STON2: variants seen among roughly 807,000 people sequenced by gnomAD.
The protein encoded by STON2 is stonin 2.
STON2 carries 29 observed loss-of-function variants against 65.7 expected under a neutral mutation model. The ratio of observed to expected loss-of-function variants is 0.44; its 90% CI spans 0.33 to 0.60. The LOEUF (loss-of-function observed/expected upper bound fraction) is 0.60. Ranked by LOEUF, STON2 falls within the 20% of genes least tolerant of loss-of-function variation. The pLI, the probability that STON2 is intolerant of heterozygous loss-of-function variation, is 0.03. For synonymous variants in STON2, 404 were observed against 414.2 expected, an observed-to-expected ratio of 0.98 and a Z score of 0.30; for missense variants, 1,054 against 1,118.1, an observed-to-expected ratio of 0.94 and a Z score of 0.82.
At chr14:81,357,887 G>A (rs1376333162) in intron 4 of STON2, among the ~76,000 whole-genome samples, 1 of 122,334 alleles carries the variant, frequency 8.2e-6, no homozygotes, top group Admixed American at 1.0e-4. Flanking sequence ...GGGAACTGTT[G>A]TGGGGTGGGG....
rs1895319515 is a variant in STON2, at chr14:81,286,026, T to C, written c.743-7287A>G. 3.5e-5 allele frequency among the ~76,000 whole-genome samples: 4 copies of C among 115,544 alleles called. No individual in the cohort carries two copies. The Admixed American group carries it at 3.7e-4, about 11-fold the overall frequency. 75.8% of individuals were successfully genotyped at this position (115,544 alleles called of 152,430 possible). A position where few individuals can be genotyped will look rare whatever the true frequency, so the allele number is the denominator to read the frequency against. ...AGCTGGGCATGGTGGCGGGCACCTGTAGTCCCAGCCACTCATGAGGCTGAG... is the reference window on the plus strand; with the variant it reads ...AGCTGGGCATGGTGGCGGGCACCTGCAGTCCCAGCCACTCATGAGGCTGAG... On this transcript the variant is annotated intron_variant, in intron 5 of 7. Coordinates refer to ENST00000614646, the MANE Select transcript of STON2 (RefSeq NM_001394390.1).
At chr14:81,307,837 A>T (rs544792224) in intron 5 of STON2, among the ~76,000 whole-genome samples, 2 of 152,348 alleles carry the variant, frequency 1.3e-5, no homozygotes, top group South Asian at 4.1e-4. Flanking sequence ...TATATAACAC[A>T]AAAAATATGT....
chr14:81,263,269 C>T lies in STON2; in HGVS notation c.*5145G>A, dbSNP rs1047452636. ...ATTATGCTATTTTGGCCAGGCGCGGCGGCTCATGCCTGTTATCCTAGCACT... is the reference window on the plus strand; with the variant it reads ...ATTATGCTATTTTGGCCAGGCGCGGTGGCTCATGCCTGTTATCCTAGCACT... On this transcript the variant is annotated 3_prime_UTR_variant, in exon 8 of 8. Transcript: ENST00000614646. 11 of 583,222 alleles carry T rather than the reference C, an allele frequency of 1.9e-5. No homozygotes were observed. The highest frequency in any genetic ancestry group is 8.1e-5 in the African/African-American group (4 of 49,200). The allele number at this position is 583,222 out of a possible 1,614,324, so 36.1% of individuals were successfully genotyped here.
At chr14:81,356,148 C>T (rs565123259) in intron 4 of STON2, among the ~76,000 whole-genome samples, 9 of 152,272 alleles carry the variant, frequency 5.9e-5, no homozygotes, top group Admixed American at 4.6e-4. Context: ...GTGGGTTTGT[C>T]ATAGATAGCT....
intron 4 of STON2, among the ~76,000 whole-genome samples, chr14:81,367,900 T>C (rs1898812875): frequency 6.6e-6 from 1 of 152,214 alleles, no homozygotes; most frequent in South Asian, 2.1e-4. Flanking sequence ...CCTAGCTTAA[T>C]TACTAAAGAA....
chr14:81,421,965 G>A (rs3908315), intron 2 of STON2, among the ~76,000 whole-genome samples: 1 of 152,138 alleles, frequency 6.6e-6, no homozygotes, highest in Admixed American at 6.5e-5. Context: ...TGGAACCCTG[G>A]GGAAGGTCAT....
chr14:81,350,472 T>C (rs1036961699), intron 4 of STON2, among the ~76,000 whole-genome samples: 6 of 141,414 alleles, frequency 4.2e-5, no homozygotes, highest in Admixed American at 2.7e-4. Flanking sequence ...CATTGTTTAA[T>C]TCAGAAGAAG....
intron 4 of STON2, among the ~76,000 whole-genome samples, chr14:81,364,135 C>A (rs889020899): frequency 6.6e-6 from 1 of 152,144 alleles, no homozygotes; most frequent in Non-Finnish European, 1.5e-5. Context: ...AAATAGAATA[C>A]AAACACTTGT....
chr14:81,370,768 C>T (rs754391653), intron 4 of STON2, among the ~76,000 whole-genome samples: 19 of 152,118 alleles, frequency 1.2e-4, no homozygotes, highest in Non-Finnish European at 2.5e-4. Context: ...AAATGGTTGC[C>T]GAGTATGAAT....
chr14:81,413,354 G>A lies in STON2; in HGVS notation c.-199+13748C>T, dbSNP rs140816654. The stretch of plus-strand genomic sequence containing the variant: ...TTGCTAAGGGAACACCTCGATGTTC[G>A]AACCTTTATTGTGTTTTATACAGGG... On this transcript the variant is annotated intron_variant, in intron 2 of 8. Transcript: ENST00000553821. 896 of 818,146 alleles carry A rather than the reference G, an allele frequency of 1.1e-3. 183 individuals carry two copies. The South Asian group carries it at 0.011, about 10-fold the overall frequency. The allele number at this position is 818,146 out of a possible 1,614,324, so 50.7% of individuals were successfully genotyped here. A position where few individuals can be genotyped will look rare whatever the true frequency, so the allele number is the denominator to read the frequency against.
At chr14:81,420,928 A>G (rs748815919) in intron 2 of STON2, among the ~76,000 whole-genome samples, 3 of 152,176 alleles carry the variant, frequency 2.0e-5, no homozygotes, top group Admixed American at 6.5e-5. Context: ...ACACCTGAAC[A>G]TCACCCATCA....
At position 81,262,783 on chromosome 14, in the gene STON2, A is replaced by C; in HGVS notation, c.*5631T>G. The C allele has an allele frequency of 1.0e-6, 1 of 985,420 alleles. No individual in the cohort carries two copies. Among genetic ancestry groups the C allele is most frequent in the Non-Finnish European group, 1.2e-6 (1 of 829,914 alleles). The allele number at this position is 985,420 out of a possible 1,614,324, so 61.0% of individuals were successfully genotyped here. ...ACTAGAAGAAATGTAAAAATCTCAC[A>C]TTCTTGTTCTAGTTAATACATGGGA... On this transcript the variant is annotated 3_prime_UTR_variant, in exon 8 of 8. Transcript: ENST00000614646.
chr14:81,272,372 C>T (rs924427568), intron 6 of STON2, among the ~76,000 whole-genome samples: 6 of 152,160 alleles, frequency 3.9e-5, no homozygotes, highest in Non-Finnish European at 5.9e-5. Context: ...GTAAGAACCC[C>T]CATATAGCAA....
intron 5 of STON2, among the ~76,000 whole-genome samples, chr14:81,292,974 T>C (rs1267736903): frequency 6.6e-6 from 1 of 152,184 alleles, no homozygotes; most frequent in Non-Finnish European, 1.5e-5. Context: ...AATTGTCCTT[T>C]TGGGGACTCC....
intron 4 of STON2, among the ~76,000 whole-genome samples, chr14:81,325,962 G>A (rs1031090857): frequency 6.6e-6 from 1 of 151,548 alleles, no homozygotes; most frequent in East Asian, 1.9e-4. Context: ...ACAGAGAAAC[G>A]AATTTCTTCC....
At chr14:81,293,608 G>A (rs1895648348) in intron 5 of STON2, among the ~76,000 whole-genome samples, 1 of 152,184 alleles carries the variant, frequency 6.6e-6, no homozygotes, top group South Asian at 2.1e-4. Context: ...TTGGCTATGT[G>A]ATTTGCTTTA....
At position 81,306,220 on chromosome 14, in the gene STON2, C is replaced by CTATT. The variant is rs1555397665; in HGVS notation, c.742+17796_742+17797insAATA. On this transcript the variant is annotated intron_variant, in intron 5 of 7. Transcript: ENST00000614646. The stretch of plus-strand genomic sequence containing the variant: ...TTATATATACACACACATACATACT[C>CTATT]TTTTTTTTTTTTTTTTTTTTTTTTT... Among the ~76,000 whole-genome samples, 40 of 69,506 alleles carry CTATT rather than the reference C, an allele frequency of 5.8e-4. 11 individuals are homozygous for CTATT. The highest frequency in any genetic ancestry group is 2.5e-3 in the East Asian group (5 of 1,984). The allele number at this position is 69,506 out of a possible 152,430, so 45.6% of individuals were successfully genotyped here.
At chr14:81,269,455 T>TAA (rs1427279770) in intron 7 of STON2, 10 of 985,292 alleles carry the variant, frequency 1.0e-5, no homozygotes, top group Non-Finnish European at 1.2e-5. Context: ...TCAACCGAAA[T>TAA]CTTTGATAGC....
rs145967193 is a variant in STON2 at position 81,292,170 on chromosome 14, T to G, written c.743-13431A>C. On this transcript the variant is annotated intron_variant, in intron 5 of 7. Transcript: ENST00000614646. ...CCATCCCTTCTTTATTTCTAGAAAG[T>G]CTTAAAACCAGCATTCCAATTCTGC... is the stretch of plus-strand genomic sequence containing the variant. 6.1e-3 allele frequency among the ~76,000 whole-genome samples: 926 copies of G among 152,304 alleles called. 14 individuals carry two copies. The highest frequency in any genetic ancestry group is 0.02 in the African/African-American group (839 of 41,574).
Sources: gnomAD v4.1 joint callset for allele counts (sites outside exome capture counted in the v4.1 genomes callset) on GRCh38, gnomAD v4.1.1 for gene constraint, MANE v1.5 for transcripts, NCBI Gene and HGNC (gene_info 2026-07-23, HGNC 2026-07-21) for gene names.